The following MCCC1 variants were observed in gnomAD, a reference collection of about 807,000 sequenced individuals.
The protein encoded by MCCC1 is methylcrotonyl-CoA carboxylase subunit 1, also known as methylcrotonoyl-CoA carboxylase subunit alpha, mitochondrial.
Under a neutral mutation model 83.8 loss-of-function variants are expected in MCCC1, and 64 were observed. That is an observed-to-expected ratio of 0.76 (90% CI 0.62 to 0.94). The LOEUF is 0.94. MCCC1 is among the 40% of genes least tolerant of loss of function. The pLI is 0.00. For missense variants in MCCC1, 807 were observed against 904.7 expected (o/e 0.89, Z 1.39); for synonymous variants, 322 against 315.4 (o/e 1.02, Z -0.22).
Position 183,037,227 on chromosome 3 carries a change from G to C in MCCC1, c.1585C>G (p.Gln529Glu), listed in dbSNP as rs745580589. 3.7e-6 allele frequency: 6 copies of C among 1,613,562 alleles called. No homozygotes were observed. Among genetic ancestry groups the C allele is most frequent in the Non-Finnish European group, 5.1e-6 (6 of 1,180,024 alleles). ...GAAAAGCCTTCCATACCATGTGCCT[G>C]AAGAGTGAAAGTGTCGGTCATGGCT... ...EKAMTDTFTLQAHDQFSPFSS... is the reference protein window; with the variant it reads ...EKAMTDTFTLEAHDQFSPFSS... Residue 529 changes from glutamine to glutamate, a missense_variant, in exon 13 of 19, where the codon CAG (glutamine) becomes GAG (glutamate). Gln to Glu is a conservative substitution (Grantham distance 29, BLOSUM62 2). Transcript: ENST00000265594.
At chr3:183,077,199 C>T (rs1234868662) in intron 4 of MCCC1, among the ~76,000 whole-genome samples, 1 of 152,120 alleles carries the variant, frequency 6.6e-6, no homozygotes, top group Non-Finnish European at 1.5e-5. Context: ...CTGCTATGAA[C>T]ATTCAGGTAT....
intron 2 of MCCC1, 105 bp downstream of exon 2, chr3:183,094,454 G>T (rs907208976): frequency 9.0e-7 from 1 of 1,111,396 alleles, no homozygotes; most frequent in African/African-American, 1.6e-5. Flanking sequence ...CAAAATTTAT[G>T]ATAACTAATT....
Position 183,070,938 on chromosome 3 carries a change from C to T in MCCC1, c.761+61G>A. ...ACAGTTTTATATTTTATAGAATGTG[C>T]ATGCATTATTTTTATAATTTAATTT... On this transcript the variant is annotated intron_variant, in intron 7 of 18. Coordinates refer to ENST00000265594, the MANE Select transcript of MCCC1 (RefSeq NM_020166.5). The T allele has an allele frequency of 3.3e-6, 5 of 1,517,472 alleles. No homozygotes were observed. The South Asian group carries it at 4.7e-5, about 14-fold the overall frequency. The allele number at this position is 1,517,472 out of a possible 1,614,324, so 94.0% of individuals were successfully genotyped here.
At chr3:183,037,593 GA>G (rs1035614092) in intron 12 of MCCC1, among the ~76,000 whole-genome samples, 159 bp from the exon 13 acceptor site, 2 of 151,540 alleles carry the variant, frequency 1.3e-5, no homozygotes, top group Admixed American at 6.6e-5. Flanking sequence ...CAATTCTCAG[GA>G]AAAAAAACAC....
chr3:183,072,222 G>C, intron 5 of MCCC1, 144 bp downstream of exon 5: 1 of 940,540 alleles, frequency 1.1e-6, no homozygotes, highest in Non-Finnish European at 1.6e-6. Flanking sequence ...AAGTTGCCCA[G>C]GCTGGTCTTG....
Position 183,020,173 on chromosome 3 carries a change from G to A in MCCC1, c.1934C>T (p.Thr645Ile). Reference sequence around the variant, plus strand: ...CATAGGAGCTAAGGGGCCGCCCTGAGTTTCTTGTGAGCTCACAGAAGATAA... The same window carrying A: ...CATAGGAGCTAAGGGGCCGCCCTGAATTTCTTGTGAGCTCACAGAAGATAA... ...KYLSSVSSQE[T>I]QGGPLAPMTG... The change falls in exon 17 of 19, where the codon ACT becomes ATT. Residue 645 changes from threonine to isoleucine, a missense_variant. By Grantham distance (89) the Thr-to-Ile change is moderately conservative (BLOSUM62 -1). Coordinates refer to ENST00000265594, the MANE Select transcript of MCCC1 (RefSeq NM_020166.5). 1 of 1,614,092 alleles carries A rather than the reference G, an allele frequency of 6.2e-7. No individual in the cohort carries two copies. Among genetic ancestry groups the A allele is most frequent in the Middle Eastern group, 1.7e-4 (1 of 6,060 alleles).
chr3:183,031,985 C>G (rs575904231), intron 14 of MCCC1, among the ~76,000 whole-genome samples: 1 of 152,128 alleles, frequency 6.6e-6, no homozygotes, highest in South Asian at 2.1e-4. Flanking sequence ...CTTAAGCTTC[C>G]TGTTTCATGC....
chr3:183,115,555 G>A, exon 1 of MCCC1: 1 of 152,282 alleles, frequency 6.6e-6, no homozygotes, highest in East Asian at 1.9e-4. Flanking sequence ...TTACCAGAGA[G>A]AAGGTCCTAA....
chr3:183,087,742 G>T (rs1718000208), intron 3 of MCCC1, among the ~76,000 whole-genome samples: 1 of 150,128 alleles, frequency 6.7e-6, no homozygotes, highest in Non-Finnish European at 1.5e-5. Flanking sequence ...GTGGTGGTCG[G>T]CACCCGTAGT....
At position 183,086,835 on chromosome 3, in the gene MCCC1, T is replaced by TA. The variant is rs766753282; in HGVS notation, c.274-48dup. ...CTTAAAAGACTTTGTGGCTAGTACA[T>TA]ACTCATACACTATACAGAACTGCTT... On this transcript the variant is annotated intron_variant, in intron 3 of 18. Transcript: ENST00000265594. 3 of 1,524,950 alleles carry TA rather than the reference T, an allele frequency of 2.0e-6. No homozygotes were observed. In the African/African-American group the frequency reaches 4.1e-5, roughly 21 times the overall value. 94.5% of individuals were successfully genotyped at this position (1,524,950 alleles called of 1,614,324 possible).
At chr3:183,025,849 C>G in intron 14 of MCCC1, 45 bp from the exon 15 acceptor site, 1 of 1,518,028 alleles carries the variant, frequency 6.6e-7, no homozygotes, top group Non-Finnish European at 9.1e-7. Flanking sequence ...AGAAGACATT[C>G]ATTTATTTAA....
intron 9 of MCCC1, among the ~76,000 whole-genome samples, chr3:183,046,101 T>G (rs1714536661): frequency 6.6e-6 from 1 of 152,182 alleles, no homozygotes; most frequent in Admixed American, 6.5e-5. Flanking sequence ...CTATTTGAAG[T>G]GTAGGCATGT....
At position 183,072,501 on chromosome 3, in the gene MCCC1, A is replaced by G; in HGVS notation, c.370-14T>C. On this transcript the variant is annotated splice_polypyrimidine_tract_variant and intron_variant, in intron 4 of 18. Coordinates refer to ENST00000265594, the MANE Select transcript of MCCC1 (RefSeq NM_020166.5). ...TGGATGGATAGCCTAGAAATGAGAA[A>G]TAAAATAAAAAATTTACTCATCAGT... The G allele has an allele frequency of 6.2e-7, 1 of 1,613,298 alleles. No individual in the cohort carries two copies. Among genetic ancestry groups the G allele is most frequent in the South Asian group, 1.1e-5 (1 of 91,048 alleles).
intron 2 of MCCC1, 38 bp from the exon 3 acceptor site, chr3:183,092,583 C>T (rs995946475): frequency 6.2e-7 from 1 of 1,613,062 alleles, no homozygotes; most frequent in South Asian, 1.1e-5. Flanking sequence ...AGAAATGTTA[C>T]TGGAGAGCAA....
chr3:183,050,705 CA>C (rs746973567), intron 9 of MCCC1, among the ~76,000 whole-genome samples: 2,389 of 43,602 alleles, frequency 0.055, 22 homozygotes, highest in African/African-American at 0.14. Flanking sequence ...GACTCTGTCT[CA>C]AAAAAAAAAA....
intron 8 of MCCC1, among the ~76,000 whole-genome samples, chr3:183,052,853 C>T (rs553156725): frequency 1.4e-4 from 21 of 148,674 alleles, no homozygotes; most frequent in Non-Finnish European, 2.7e-4. Context: ...AATCATGTGC[C>T]GTATATAATA....
rs201216516 is a variant in MCCC1 at position 183,094,565 on chromosome 3, C to A, written c.130G>T (p.Ala44Ser). Reference sequence around the variant, plus strand: ...CAACAAAGTCTGTCAGTACCTGTGGCTGTTGTGTACTTCATGGTTCTTTGC... The same window carrying A: ...CAACAAAGTCTGTCAGTACCTGTGGATGTTGTGTACTTCATGGTTCTTTGC... ...WRQRTMKYTT[A>S]TGRNITKVLI... The change falls in exon 2 of 19, where the codon GCC becomes TCC. Residue 44 changes from alanine (A) to serine (S), a missense_variant. Coordinates refer to ENST00000265594, the MANE Select transcript of MCCC1 (RefSeq NM_020166.5). 511 of 1,614,128 alleles carry A rather than the reference C, an allele frequency of 3.2e-4. 2 individuals carry two copies. In the Middle Eastern group the frequency reaches 4.5e-3, roughly 14 times the overall value.
chr3:183,078,771 C>T lies in MCCC1; in HGVS notation c.370-6284G>A, dbSNP rs1577340235. 2.0e-5 allele frequency among the ~76,000 whole-genome samples: 3 copies of T among 152,294 alleles called. No homozygotes were observed. In the East Asian group the frequency reaches 5.8e-4, roughly 29 times the overall value. ...TCATAACTGTATTAGTCTGTTTTCA[C>T]ACTGCTGATAAAGACATATCCCAGA... On this transcript the variant is annotated intron_variant, in intron 4 of 18. Transcript: ENST00000265594.
At chr3:183,036,830 C>A (rs577122393) in intron 13 of MCCC1, among the ~76,000 whole-genome samples, 1 of 152,048 alleles carries the variant, frequency 6.6e-6, no homozygotes, top group Non-Finnish European at 1.5e-5. Context: ...CGTGCCACCA[C>A]GCCCAGCTAA....
Sources: allele counts gnomAD v4.1 joint callset (sites outside exome capture counted in the v4.1 genomes callset), GRCh38; gene constraint gnomAD v4.1.1; transcripts MANE v1.5; gene names NCBI Gene and HGNC (gene_info 2026-07-23, HGNC 2026-07-21).